LDLRAD4: variants seen among roughly 807,000 people sequenced by gnomAD.
LDLRAD4 encodes the protein low density lipoprotein receptor class A domain containing 4.
A neutral mutation model predicts 17.0 loss-of-function variants in LDLRAD4; 5 were observed. That is an observed-to-expected ratio of 0.29 (90% confidence interval 0.15 to 0.62). The LOEUF is 0.62. Ranked by LOEUF, LDLRAD4 falls within the 20% of genes least tolerant of loss-of-function variation. The pLI is 0.84. For missense variants in LDLRAD4, 340 were observed against 424.7 expected (o/e 0.80, Z 1.75); for synonymous variants, 168 against 171.8 (o/e 0.98, Z 0.17).
At chr18:13,247,185 T>G (rs1327284980) in intron 1 of LDLRAD4, among the ~76,000 whole-genome samples, 3 of 152,244 alleles carry the variant, frequency 2.0e-5, no homozygotes, top group Non-Finnish European at 4.4e-5. Context: ...AAACTCTGTA[T>G]GCCTCCCCTT....
intron 3 of LDLRAD4, among the ~76,000 whole-genome samples, chr18:13,578,980 G>T (rs953336153): frequency 2.6e-5 from 4 of 151,750 alleles, no homozygotes; most frequent in African/African-American, 9.7e-5. Flanking sequence ...CACGAGGTCA[G>T]GAGATCGAGA....
chr18:13,492,103 C>T (rs2093369787), intron 3 of LDLRAD4, among the ~76,000 whole-genome samples: 1 of 152,166 alleles, frequency 6.6e-6, no homozygotes, highest in South Asian at 2.1e-4. Flanking sequence ...AGATCCATGC[C>T]ACCAAGACCC....
Position 13,424,674 on chromosome 18 carries a change from C to G in LDLRAD4, c.41-13570C>G, listed in dbSNP as rs75917139. Reference sequence around the variant, plus strand: ...ACTGGAGAAGGCTTCACAGTCTTGGCGAAGGGTTTTTCTGTTTTTGTTTTT... The same window carrying G: ...ACTGGAGAAGGCTTCACAGTCTTGGGGAAGGGTTTTTCTGTTTTTGTTTTT... On this transcript the variant is annotated intron_variant, in intron 2 of 5. Transcript: ENST00000359446. Among the ~76,000 whole-genome samples the G allele has an allele frequency of 7.7e-3, 1,176 of 152,186 alleles. 18 individuals carry two copies. The highest frequency in any genetic ancestry group is 0.027 in the African/African-American group (1,117 of 41,514).
At chr18:13,560,620 T>C (rs9948415) in intron 3 of LDLRAD4, among the ~76,000 whole-genome samples, 2,840 of 152,332 alleles carry the variant, frequency 0.019, 96 homozygotes, top group African/African-American at 0.065. Flanking sequence ...TCCTCATCCA[T>C]GATTTTTGAC....
chr18:13,555,826 G>A (rs894198712), intron 3 of LDLRAD4, among the ~76,000 whole-genome samples: 16 of 152,292 alleles, frequency 1.1e-4, no homozygotes, highest in Admixed American at 1.0e-3. Context: ...GGACTTCTTG[G>A]ATTATTACTT....
intron 3 of LDLRAD4, among the ~76,000 whole-genome samples, chr18:13,618,744 T>G (rs1460927196): frequency 1.3e-5 from 2 of 152,258 alleles, no homozygotes; most frequent in Non-Finnish European, 2.9e-5. Context: ...CAAGCATTGG[T>G]AAAAGAAGGC....
chr18:13,371,075 T>C (rs2144851157), intron 1 of LDLRAD4, among the ~76,000 whole-genome samples: 1 of 152,310 alleles, frequency 6.6e-6, no homozygotes, highest in Middle Eastern at 3.4e-3. Flanking sequence ...CAGACTAAGC[T>C]GTGGCTCCTG....
chr18:13,400,375 G>A (rs888099432), intron 2 of LDLRAD4, among the ~76,000 whole-genome samples: 2 of 152,204 alleles, frequency 1.3e-5, no homozygotes, highest in Non-Finnish European at 2.9e-5. Context: ...GAGGCCTAAA[G>A]GGATTTCTGT....
intron 3 of LDLRAD4, among the ~76,000 whole-genome samples, chr18:13,561,178 C>G (rs558514654): frequency 2.0e-5 from 3 of 152,234 alleles, no homozygotes; most frequent in African/African-American, 7.2e-5. Context: ...TCAGGTTCCA[C>G]GTTTGAAAGG....
intron 1 of LDLRAD4, among the ~76,000 whole-genome samples, chr18:13,335,724 A>G (rs1052134641): frequency 2.6e-5 from 4 of 152,218 alleles, no homozygotes; most frequent in Admixed American, 2.6e-4. Flanking sequence ...CTGGCTGGGT[A>G]TAAATTCTTG....
intron 3 of LDLRAD4, among the ~76,000 whole-genome samples, chr18:13,609,851 G>T (rs143617776): frequency 3.9e-5 from 6 of 152,212 alleles, no homozygotes; most frequent in Non-Finnish European, 7.4e-5. Context: ...GCATGTTGGC[G>T]CACGCCTGTA....
At chr18:13,465,059 G>T (rs1294738403) in intron 3 of LDLRAD4, 6 of 152,240 alleles carry the variant, frequency 3.9e-5, no homozygotes, top group Admixed American at 6.5e-5. Context: ...AGGCCGCAGA[G>T]CTAAATGGGG....
chr18:13,238,626 G>A (rs1030255713), intron 1 of LDLRAD4, among the ~76,000 whole-genome samples: 4 of 152,352 alleles, frequency 2.6e-5, no homozygotes, highest in African/African-American at 9.6e-5. Context: ...GGCGTGGACT[G>A]CAGAGTCCTG....
At chr18:13,392,776 A>G (rs1328302664) in intron 2 of LDLRAD4, among the ~76,000 whole-genome samples, 1 of 152,234 alleles carries the variant, frequency 6.6e-6, no homozygotes, top group African/African-American at 2.4e-5. Flanking sequence ...TTTAACCTCA[A>G]ATAACTAGGT....
chr18:13,390,353 C>T lies in LDLRAD4; in HGVS notation c.40+2591C>T, dbSNP rs62085678. Among the ~76,000 whole-genome samples, 451 of 152,342 alleles carry T rather than the reference C, an allele frequency of 3.0e-3. 1 individual carries two copies. The highest frequency in any genetic ancestry group is 3.6e-3 in the Non-Finnish European group (242 of 68,038). On this transcript the variant is annotated intron_variant, in intron 2 of 5. Transcript: ENST00000359446. ...GCCAGGTGTCACACCAACACAGCGCCGCGCGGGGCACACTCAGTGCAGGCA... is the reference window on the plus strand; with the variant it reads ...GCCAGGTGTCACACCAACACAGCGCTGCGCGGGGCACACTCAGTGCAGGCA...
chr18:13,382,952 T>A (rs2085499138), intron 1 of LDLRAD4, among the ~76,000 whole-genome samples: 1 of 152,242 alleles, frequency 6.6e-6, no homozygotes, highest in South Asian at 2.1e-4. Flanking sequence ...TTTAAGTCAA[T>A]GACCTCTGAA....
At chr18:13,545,680 G>A (rs539191558) in intron 3 of LDLRAD4, among the ~76,000 whole-genome samples, 1 of 152,294 alleles carries the variant, frequency 6.6e-6, no homozygotes, top group South Asian at 2.1e-4. Context: ...TGAGGAGGGT[G>A]GGAAACTGGC....
intron 4 of LDLRAD4, chr18:13,641,961 C>A: frequency 4.1e-6 from 4 of 985,252 alleles, no homozygotes; most frequent in Non-Finnish European, 4.8e-6. Flanking sequence ...AGCGCCCCTG[C>A]GGGCCCAGCC....
At position 13,425,305 on chromosome 18, in the gene LDLRAD4, C is replaced by T. The variant is rs539946480; in HGVS notation, c.41-12939C>T. Among the ~76,000 whole-genome samples the T allele has an allele frequency of 2.6e-5, 4 of 152,284 alleles. No homozygotes were observed. The South Asian group carries it at 8.3e-4, about 32-fold the overall frequency. Reference sequence around the variant, plus strand: ...TTTATCAATAGGTAGCTTTGTTATACTTAAATATAAAGAAAACTTGCTTTC... The same window carrying T: ...TTTATCAATAGGTAGCTTTGTTATATTTAAATATAAAGAAAACTTGCTTTC... On this transcript the variant is annotated intron_variant, in intron 2 of 5. Transcript: ENST00000359446.
Sources: gnomAD v4.1 joint callset for allele counts (sites outside exome capture counted in the v4.1 genomes callset) on GRCh38, gnomAD v4.1.1 for gene constraint, MANE v1.5 for transcripts, NCBI Gene and HGNC (gene_info 2026-07-23, HGNC 2026-07-21) for gene names.